Variants in KCNIP1 observed in about 807,000 individuals in gnomAD.
KCNIP1 encodes A-type potassium channel modulatory protein KCNIP1.
KCNIP1 carries 18 observed loss-of-function variants against 33.0 expected under a neutral mutation model. That is an observed-to-expected ratio of 0.55 (90% CI 0.38 to 0.81). The LOEUF is 0.81. KCNIP1 is among the 30% of genes least tolerant of loss of function. KCNIP1 has a pLI of 0.00. For missense variants in KCNIP1, 238 were observed against 271.6 expected, an observed-to-expected ratio of 0.88 and a Z score of 0.87; for synonymous variants, 93 against 98.3, an observed-to-expected ratio of 0.95 and a Z score of 0.32.
At chr5:170,415,497 C>T (rs1755303694) in intron 1 of KCNIP1, among the ~76,000 whole-genome samples, 1 of 152,298 alleles carries the variant, frequency 6.6e-6, no homozygotes, top group Non-Finnish European at 1.5e-5. Flanking sequence ...GACACACCAC[C>T]CAGGTGAGAA....
In KCNIP1 at chr5:170,519,342, C is replaced by T. The variant is rs180782751; in HGVS notation, c.61+14709C>T. 8.3e-4 allele frequency among the ~76,000 whole-genome samples: 127 copies of T among 152,182 alleles called. No homozygotes were observed. The Middle Eastern group carries it at 0.017, about 20-fold the overall frequency. On this transcript the variant is annotated intron_variant, in intron 1 of 7. Transcript: ENST00000328939. ...CTCTGAATGAGTCATGTGGTGCCAG[C>T]GGGGTTGTTGAGATAGATAGATGGC...
At chr5:170,520,127 T>C (rs961158336) in intron 1 of KCNIP1, among the ~76,000 whole-genome samples, 1 of 152,182 alleles carries the variant, frequency 6.6e-6, no homozygotes, top group African/African-American at 2.4e-5. Flanking sequence ...GGATGAAGCA[T>C]GTATACCTCT....
chr5:170,385,894 C>T (rs749702045), intron 1 of KCNIP1, among the ~76,000 whole-genome samples: 12 of 151,594 alleles, frequency 7.9e-5, no homozygotes, highest in Non-Finnish European at 1.6e-4. Flanking sequence ...CCGAGGTGGG[C>T]GGATCATGAG....
At chr5:170,401,202 C>CATT (rs1420345842) in intron 1 of KCNIP1, among the ~76,000 whole-genome samples, 2 of 152,238 alleles carry the variant, frequency 1.3e-5, no homozygotes, top group Admixed American at 1.3e-4. Flanking sequence ...GTCCCAGGAG[C>CATT]TACTTCCTGT....
At chr5:170,384,863 A>G (rs1402019645) in intron 1 of KCNIP1, among the ~76,000 whole-genome samples, 2 of 152,236 alleles carry the variant, frequency 1.3e-5, no homozygotes, top group African/African-American at 4.8e-5. Context: ...CATGAAATGT[A>G]TGTTCAGTGA....
intron 2 of KCNIP1, 33 bp downstream of exon 2, chr5:170,718,915 G>T: frequency 2.5e-6 from 4 of 1,594,990 alleles, no homozygotes; most frequent in Non-Finnish European, 3.4e-6. Context: ...AGGCCTGGGG[G>T]GGGTTCCCAC....
intron 1 of KCNIP1, among the ~76,000 whole-genome samples, chr5:170,566,849 G>A (rs1757222392): frequency 6.6e-6 from 1 of 152,148 alleles, no homozygotes; most frequent in Non-Finnish European, 1.5e-5. Flanking sequence ...TCATAAACCA[G>A]GAAAAGGAGG....
intron 1 of KCNIP1, among the ~76,000 whole-genome samples, chr5:170,520,689 G>C (rs569482923): frequency 1.3e-5 from 2 of 152,126 alleles, no homozygotes; most frequent in African/African-American, 4.8e-5. Flanking sequence ...CCGCCTGAGC[G>C]TCCCTGGAGA....
intron 1 of KCNIP1, among the ~76,000 whole-genome samples, chr5:170,691,673 T>C (rs888733668): frequency 6.6e-6 from 1 of 152,192 alleles, no homozygotes; most frequent in Non-Finnish European, 1.5e-5. Flanking sequence ...ACAATTCCAC[T>C]AGTATCATGT....
chr5:170,553,592 C>T (rs532162870), intron 1 of KCNIP1, among the ~76,000 whole-genome samples: 8 of 152,192 alleles, frequency 5.3e-5, no homozygotes, highest in East Asian at 3.8e-4. Context: ...ATCTCTTGTA[C>T]GCCCAGAGGT....
At chr5:170,675,810 C>T (rs185020044) in intron 1 of KCNIP1, among the ~76,000 whole-genome samples, 19 of 152,250 alleles carry the variant, frequency 1.2e-4, no homozygotes, top group African/African-American at 4.3e-4. Context: ...ATGCTGTATC[C>T]TAACTCAAAA....
intron 1 of KCNIP1, among the ~76,000 whole-genome samples, chr5:170,371,948 A>G (rs1763857294): frequency 6.6e-6 from 1 of 152,196 alleles, no homozygotes; most frequent in African/African-American, 2.4e-5. Flanking sequence ...TAGTTTGGAC[A>G]CCAACTGGGT....
At chr5:170,678,655 C>T (rs1355002154) in intron 1 of KCNIP1, 4 of 152,182 alleles carry the variant, frequency 2.6e-5, no homozygotes, top group Admixed American at 1.3e-4. Flanking sequence ...GTTGATGGGA[C>T]CTCACTGGGA....
chr5:170,443,239 C>G (rs1321497756), intron 1 of KCNIP1, among the ~76,000 whole-genome samples: 1 of 151,492 alleles, frequency 6.6e-6, no homozygotes, highest in Non-Finnish European at 1.5e-5. Context: ...CATTCCCCAC[C>G]CCCCGGCCCT....
At chr5:170,576,233 TC>T (rs1334225370) in intron 1 of KCNIP1, among the ~76,000 whole-genome samples, 6 of 152,084 alleles carry the variant, frequency 3.9e-5, no homozygotes, top group Admixed American at 3.3e-4. Flanking sequence ...CTACAAAAGC[TC>T]CTCCCCAGTC....
At chr5:170,370,273 G>C (rs1330534516) in intron 1 of KCNIP1, among the ~76,000 whole-genome samples, 1 of 152,184 alleles carries the variant, frequency 6.6e-6, no homozygotes, top group Non-Finnish European at 1.5e-5. Flanking sequence ...CATTTGTGAA[G>C]CATCTTTTAT....
At chr5:170,662,323 G>T (rs1481032973) in intron 1 of KCNIP1, among the ~76,000 whole-genome samples, 1 of 152,102 alleles carries the variant, frequency 6.6e-6, no homozygotes, top group African/African-American at 2.4e-5. Context: ...ACTGTTGAGG[G>T]AGGAGCTACC....
intron 1 of KCNIP1, among the ~76,000 whole-genome samples, chr5:170,688,378 G>T (rs1762612195): frequency 6.6e-6 from 1 of 152,234 alleles, no homozygotes; most frequent in South Asian, 2.1e-4. Context: ...TTGTTGGAAT[G>T]TATTTTGGTA....
intron 1 of KCNIP1, among the ~76,000 whole-genome samples, chr5:170,615,640 G>T (rs1456185073): frequency 6.6e-6 from 1 of 152,090 alleles, no homozygotes; most frequent in South Asian, 2.1e-4. Flanking sequence ...CTGGCACCTG[G>T]TACCCTCCAC....
Sources: allele counts gnomAD v4.1 joint callset (sites outside exome capture counted in the v4.1 genomes callset), GRCh38; gene constraint gnomAD v4.1.1; transcripts MANE v1.5; gene names NCBI Gene and HGNC (gene_info 2026-07-23, HGNC 2026-07-21).